Variants in CACNA1C observed in about 807,000 individuals in gnomAD.
CACNA1C encodes calcium voltage-gated channel subunit alpha1 C.
CACNA1C carries 30 observed loss-of-function variants against 229.0 expected under a neutral mutation model. The ratio of observed to expected loss-of-function variants is 0.13; its 90% confidence interval spans 0.10 to 0.18. The LOEUF (loss-of-function observed/expected upper bound fraction) is 0.18. Ranked by LOEUF, CACNA1C falls within the 10% of genes least tolerant of loss-of-function variation. The pLI is 1.00. For synonymous variants in CACNA1C, 1,114 were observed against 1,132.5 expected (o/e 0.98, Z 0.33); for missense variants, 1,658 against 2,845.0 (o/e 0.58, Z 9.49).
intron 3 of CACNA1C, among the ~76,000 whole-genome samples, chr12:2,447,623 G>A (rs926644214): frequency 6.6e-6 from 1 of 152,236 alleles, no homozygotes; most frequent in Admixed American, 6.5e-5. Context: ...GTGATGGAAT[G>A]AATGGGAGCC....
At chr12:2,109,217 G>A (rs1238426577) in intron 1 of CACNA1C, among the ~76,000 whole-genome samples, 2 of 152,144 alleles carry the variant, frequency 1.3e-5, no homozygotes, top group African/African-American at 4.8e-5. Flanking sequence ...TCCTACTCAC[G>A]GCTGATTGGG....
intron 1 of CACNA1C, among the ~76,000 whole-genome samples, chr12:2,106,328 C>T (rs112652155): frequency 0.01 from 520 of 51,904 alleles, 112 homozygotes; most frequent in African/African-American, 0.031. Flanking sequence ...GCACCCACCC[C>T]GGGGAGGGTT....
intron 3 of CACNA1C, among the ~76,000 whole-genome samples, chr12:2,265,870 C>G (rs1157221191): frequency 6.6e-6 from 1 of 152,222 alleles, no homozygotes; most frequent in African/African-American, 2.4e-5. Context: ...TCCTGCAGTT[C>G]TCTGTAGCCT....
intron 1 of CACNA1C, among the ~76,000 whole-genome samples, chr12:2,036,596 G>A (rs2049185661): frequency 6.6e-6 from 1 of 152,090 alleles, no homozygotes; most frequent in Admixed American, 6.5e-5. Flanking sequence ...CTCCCCAGTA[G>A]CTGCGATTAC....
chr12:2,043,047 T>TTC (rs1225465569), intron 1 of CACNA1C, among the ~76,000 whole-genome samples: 7 of 152,346 alleles, frequency 4.6e-5, no homozygotes, highest in Admixed American at 1.3e-4. Flanking sequence ...TGTCACCCGT[T>TTC]TATCTGGAAC....
chr12:2,293,827 A>G (rs1388490008), intron 3 of CACNA1C, among the ~76,000 whole-genome samples: 2 of 152,228 alleles, frequency 1.3e-5, no homozygotes, highest in Non-Finnish European at 2.9e-5. Context: ...GTGCCTGAAT[A>G]TAGTAGACAA....
chr12:2,267,909 C>T (rs1352338944), intron 3 of CACNA1C, among the ~76,000 whole-genome samples: 2 of 152,198 alleles, frequency 1.3e-5, no homozygotes, highest in Non-Finnish European at 2.9e-5. Flanking sequence ...GGTCTCGGAG[C>T]ACCCGCCAAA....
intron 3 of CACNA1C, among the ~76,000 whole-genome samples, chr12:2,139,713 G>A (rs933218695): frequency 4.6e-5 from 7 of 151,260 alleles, no homozygotes; most frequent in Non-Finnish European, 8.9e-5. Context: ...AGGTCCTCCA[G>A]TTATATCTTA....
At chr12:2,081,781 T>G (rs1458399275) in intron 1 of CACNA1C, among the ~76,000 whole-genome samples, 1 of 152,184 alleles carries the variant, frequency 6.6e-6, no homozygotes, top group Non-Finnish European at 1.5e-5. Flanking sequence ...GATCAGAATT[T>G]AATGTGTTCT....
rs2097679614 is a variant in CACNA1C at position 2,364,782 on chromosome 12, A to G, written c.478-84194A>G. ...TCGTCCTGAAAGCAGAGACTGCCGT[A>G]CAGAACTCAGCCCACGGAGGTCAGC... On this transcript the variant is annotated intron_variant, in intron 3 of 46. Coordinates refer to ENST00000399655, the MANE Select transcript of CACNA1C (RefSeq NM_000719.7). Among the ~76,000 whole-genome samples the G allele has an allele frequency of 2.0e-5, 3 of 152,168 alleles. No homozygotes were observed. The South Asian group carries it at 6.2e-4, about 32-fold the overall frequency.
chr12:2,240,304 C>G (rs553181250), intron 3 of CACNA1C, among the ~76,000 whole-genome samples: 118 of 152,282 alleles, frequency 7.7e-4, no homozygotes, highest in Admixed American at 1.2e-3. Flanking sequence ...GCAGACATTT[C>G]CCCCTATTTA....
rs142405893 is a variant in CACNA1C at position 2,608,946 on chromosome 12, G to A, written c.3558+234G>A. Among the ~76,000 whole-genome samples the A allele has an allele frequency of 7.2e-5, 11 of 152,310 alleles. No individual in the cohort carries two copies. The East Asian group carries it at 1.5e-3, about 21-fold the overall frequency. On this transcript the variant is annotated intron_variant, in intron 27 of 46. Transcript: ENST00000399655. This position sits in a 1 kb window ranked among gnomAD's most constrained non-coding sequence, Gnocchi z 4.2. ...TACTCAGCCAACAAATATCTATGAAGCTTCTACTTAAGGATACTCTATGAT... is the reference window on the plus strand; with the variant it reads ...TACTCAGCCAACAAATATCTATGAAACTTCTACTTAAGGATACTCTATGAT...
chr12:2,550,659 C>T, intron 10 of CACNA1C: 1 of 1,348,204 alleles, frequency 7.4e-7, no homozygotes, highest in Non-Finnish European at 9.8e-7. Flanking sequence ...TCAGACCAGT[C>T]CCAGGTACAA....
chr12:2,499,373 A>G (rs1222443646), intron 7 of CACNA1C, among the ~76,000 whole-genome samples: 1 of 152,042 alleles, frequency 6.6e-6, no homozygotes, highest in African/African-American at 2.4e-5. Flanking sequence ...GCCTTTTTGG[A>G]TCCACAGTGC....
intron 3 of CACNA1C, among the ~76,000 whole-genome samples, chr12:2,397,218 G>C (rs2098599668): frequency 6.6e-6 from 1 of 152,266 alleles, no homozygotes; most frequent in African/African-American, 2.4e-5. Context: ...TCTGGGGACT[G>C]TGGAGTGTTA....
At chr12:2,290,503 T>A (rs186988162) in intron 3 of CACNA1C, among the ~76,000 whole-genome samples, 2 of 152,250 alleles carry the variant, frequency 1.3e-5, no homozygotes, top group Admixed American at 1.3e-4. Flanking sequence ...AAAAATGCCC[T>A]CTTGGGGAGA....
intron 3 of CACNA1C, among the ~76,000 whole-genome samples, chr12:2,266,704 A>G (rs1566775099): frequency 6.6e-6 from 1 of 152,236 alleles, no homozygotes; most frequent in Non-Finnish European, 1.5e-5. Flanking sequence ...AAGGAATGTT[A>G]TAAGGATCAA....
At chr12:2,102,635 G>A (rs918524558) in intron 1 of CACNA1C, among the ~76,000 whole-genome samples, 5 of 152,064 alleles carry the variant, frequency 3.3e-5, no homozygotes. Context: ...TGCAGAATGT[G>A]CTTGTTTGTT....
intron 6 of CACNA1C, among the ~76,000 whole-genome samples, chr12:2,492,584 G>A (rs1195241571): frequency 1.3e-5 from 2 of 152,222 alleles, no homozygotes; most frequent in African/African-American, 2.4e-5. Flanking sequence ...TCCGTTTTCC[G>A]TCTTTCGCCT....
Sources: gnomAD v4.1 joint callset for allele counts (sites outside exome capture counted in the v4.1 genomes callset) on GRCh38, gnomAD v4.1.1 for gene constraint, Gnocchi (gnomAD v3.1) non-coding constraint, MANE v1.5 for transcripts, NCBI Gene and HGNC (gene_info 2026-07-23, HGNC 2026-07-21) for gene names.